The following AFF3 variants were observed in gnomAD, a reference collection of about 807,000 sequenced individuals.
The protein encoded by AFF3 is ALF transcription elongation factor 3, also known as AF4/FMR2 family member 3.
In AFF3, 32 loss-of-function variants were observed where a neutral mutation model predicts 129.7. The observed-to-expected ratio is 0.25, with a 90% CI of 0.19 to 0.33. The LOEUF is 0.33. Among genes scored for constraint, AFF3 ranks in the 10% least tolerant of loss-of-function variants. AFF3 has a pLI of 1.00. For missense variants in AFF3, 1,373 were observed against 1,592.0 expected, an observed-to-expected ratio of 0.86 and a Z score of 2.34; for synonymous variants, 644 against 635.4, an observed-to-expected ratio of 1.01 and a Z score of -0.20.
At chr2:99,993,517 T>C (rs1189485099) in intron 7 of AFF3, among the ~76,000 whole-genome samples, 2 of 151,642 alleles carry the variant, frequency 1.3e-5, no homozygotes, top group African/African-American at 2.4e-5. Context: ...TTTTAAAAAT[T>C]AGAAAACTAA....
At chr2:99,904,296 C>G (rs975989712) in intron 7 of AFF3, among the ~76,000 whole-genome samples, 4 of 152,014 alleles carry the variant, frequency 2.6e-5, no homozygotes, top group Non-Finnish European at 2.9e-5. Flanking sequence ...ACATCATGTT[C>G]TATCTTTAAA....
intron 11 of AFF3, among the ~76,000 whole-genome samples, chr2:99,723,102 TTCCA>T (rs1169465155): frequency 6.6e-6 from 1 of 152,224 alleles, no homozygotes; most frequent in African/African-American, 2.4e-5. Flanking sequence ...AGATAGGTTC[TTCCA>T]TCATTAATAT....
intron 11 of AFF3, among the ~76,000 whole-genome samples, chr2:99,718,515 C>T (rs1375485069): frequency 6.6e-6 from 1 of 151,902 alleles, no homozygotes; most frequent in Admixed American, 6.6e-5. Context: ...AGTTTACTTA[C>T]TGATTCTAGT....
chr2:100,032,665 T>C (rs916194160), intron 4 of AFF3, among the ~76,000 whole-genome samples: 5 of 152,212 alleles, frequency 3.3e-5, no homozygotes, highest in Admixed American at 2.6e-4. Flanking sequence ...ATTGACCCAC[T>C]AATGGTTAAA....
At chr2:99,630,957 T>C in intron 13 of AFF3, 1 of 440,126 alleles carries the variant, frequency 2.3e-6, no homozygotes, top group Non-Finnish European at 4.7e-6. Flanking sequence ...AGGGTTTCAA[T>C]GGTCAGTGGA....
chr2:99,563,172 G>T (rs1325687690), intron 20 of AFF3, among the ~76,000 whole-genome samples: 2 of 151,852 alleles, frequency 1.3e-5, no homozygotes, highest in Non-Finnish European at 2.9e-5. Flanking sequence ...ATGTGCGGAT[G>T]TAATTAATGC....
chr2:99,722,713 T>G (rs779667498), intron 11 of AFF3, among the ~76,000 whole-genome samples: 60 of 152,210 alleles, frequency 3.9e-4, no homozygotes, highest in African/African-American at 1.4e-3. Flanking sequence ...CCCACACATA[T>G]GCAGTTTAGG....
chr2:99,997,063 C>G (rs1680910939), intron 7 of AFF3, among the ~76,000 whole-genome samples: 1 of 152,080 alleles, frequency 6.6e-6, no homozygotes, highest in Admixed American at 6.5e-5. Context: ...ACAGGTCAGC[C>G]CTCGTCACCT....
chr2:99,717,149 G>A (rs1049948060), intron 11 of AFF3, among the ~76,000 whole-genome samples: 3 of 152,122 alleles, frequency 2.0e-5, no homozygotes, highest in Admixed American at 2.0e-4. Flanking sequence ...ATGGACATTG[G>A]GGTTCAGTTT....
intron 4 of AFF3, among the ~76,000 whole-genome samples, chr2:100,021,414 G>A (rs1374008281): frequency 1.3e-5 from 2 of 152,046 alleles, no homozygotes; most frequent in Non-Finnish European, 2.9e-5. Flanking sequence ...GTAAATGAAC[G>A]TTTGTTTCAT....
At chr2:100,131,870 T>C (rs1692441737) in intron 1 of AFF3, among the ~76,000 whole-genome samples, 1 of 152,220 alleles carries the variant, frequency 6.6e-6, no homozygotes, top group African/African-American at 2.4e-5. Context: ...GTTCATATCT[T>C]TGCTCATTGA....
chr2:100,129,620 C>A (rs1300739708), intron 1 of AFF3, among the ~76,000 whole-genome samples: 1 of 152,140 alleles, frequency 6.6e-6, no homozygotes, highest in Non-Finnish European at 1.5e-5. Context: ...CTTCCCAATA[C>A]GTCTAATTCA....
intron 7 of AFF3, among the ~76,000 whole-genome samples, chr2:99,870,729 C>T (rs1691811573): frequency 6.6e-6 from 1 of 152,110 alleles, no homozygotes; most frequent in South Asian, 2.1e-4. Flanking sequence ...GGAAAAAGTG[C>T]AGACAATATA....
At chr2:99,590,013 C>T (rs1678510542) in intron 15 of AFF3, among the ~76,000 whole-genome samples, 1 of 152,200 alleles carries the variant, frequency 6.6e-6, no homozygotes, top group Admixed American at 6.5e-5. Flanking sequence ...TGCCCTTGGA[C>T]AAGGTATATG....
intron 8 of AFF3, among the ~76,000 whole-genome samples, chr2:99,828,395 T>C (rs887307242): frequency 1.3e-5 from 2 of 152,186 alleles, no homozygotes; most frequent in Non-Finnish European, 2.9e-5. Flanking sequence ...GCTGGCTGCC[T>C]GGAGGGGTCC....
At chr2:99,589,571 T>C (rs1410158760) in intron 15 of AFF3, among the ~76,000 whole-genome samples, 1 of 152,012 alleles carries the variant, frequency 6.6e-6, no homozygotes, top group Non-Finnish European at 1.5e-5. Context: ...CCAGCTATTT[T>C]TGTATTTTTA....
At chr2:99,717,657 G>A (rs964675548) in intron 11 of AFF3, among the ~76,000 whole-genome samples, 2 of 151,962 alleles carry the variant, frequency 1.3e-5, no homozygotes, top group Non-Finnish European at 2.9e-5. Context: ...ATATTCTCCC[G>A]GTTCGCAGCT....
At chr2:99,573,726 C>G (rs1231682301) in intron 18 of AFF3, among the ~76,000 whole-genome samples, 2 of 152,236 alleles carry the variant, frequency 1.3e-5, no homozygotes, top group Non-Finnish European at 2.9e-5. Context: ...TATAGTCAGT[C>G]TTTCCTCACT....
At chr2:99,552,967 C>T (rs1674541619) in intron 24 of AFF3, among the ~76,000 whole-genome samples, 1 of 152,182 alleles carries the variant, frequency 6.6e-6, no homozygotes, top group African/African-American at 2.4e-5. Flanking sequence ...GAGTCTCGCT[C>T]TGTCGCCCAG....
Sources: gnomAD v4.1 joint callset for allele counts (sites outside exome capture counted in the v4.1 genomes callset) on GRCh38, gnomAD v4.1.1 for gene constraint, MANE v1.5 for transcripts, NCBI Gene and HGNC (gene_info 2026-07-23, HGNC 2026-07-21) for gene names.